Variants in NUMB observed in about 807,000 individuals in gnomAD.
NUMB encodes NUMB endocytic adaptor protein.
A neutral mutation model predicts 59.7 loss-of-function variants in NUMB; 29 were observed. That is an observed-to-expected ratio of 0.49 (90% CI 0.36 to 0.66). The LOEUF is 0.66. Among genes scored for constraint, NUMB ranks in the 30% least tolerant of loss-of-function variants. NUMB has a pLI of 0.00. For synonymous variants in NUMB, 288 were observed against 288.2 expected, an observed-to-expected ratio of 1.00 and a Z score of 0.01; for missense variants, 723 against 822.0, an observed-to-expected ratio of 0.88 and a Z score of 1.47.
At chr14:73,291,086 G>A (rs988459181) in intron 8 of NUMB, among the ~76,000 whole-genome samples, 1 of 142,062 alleles carries the variant, frequency 7.0e-6, no homozygotes, top group Non-Finnish European at 1.5e-5. Context: ...TTTGTTTTTT[G>A]TTTTTTTTTT....
At chr14:73,393,119 T>C (rs1895937859) in intron 2 of NUMB, among the ~76,000 whole-genome samples, 1 of 152,194 alleles carries the variant, frequency 6.6e-6, no homozygotes, top group Non-Finnish European at 1.5e-5. Flanking sequence ...AAGGAATCTA[T>C]AAATTACTAA....
intron 2 of NUMB, among the ~76,000 whole-genome samples, chr14:73,378,043 AAAAACTT>A (rs1465238318): frequency 2.0e-5 from 3 of 152,020 alleles, no homozygotes; most frequent in Admixed American, 6.6e-5. Context: ...ACACATACCA[AAAAACTT>A]AAAACTTAAC....
intron 1 of NUMB, among the ~76,000 whole-genome samples, chr14:73,422,674 CA>C (rs1343758140): frequency 6.6e-6 from 1 of 151,532 alleles, no homozygotes; most frequent in Non-Finnish European, 1.5e-5. Context: ...ATGGTGAGAT[CA>C]GGGGAAAGGG....
intron 6 of NUMB, among the ~76,000 whole-genome samples, chr14:73,313,132 G>A (rs1270352005): frequency 2.0e-5 from 3 of 151,848 alleles, no homozygotes; most frequent in Non-Finnish European, 4.4e-5. Context: ...GACTACAGGT[G>A]TGTGCCACCA....
At chr14:73,451,434 TAAAAAA>T (rs71872203) in intron 1 of NUMB, among the ~76,000 whole-genome samples, 1 of 111,498 alleles carries the variant, frequency 9.0e-6, no homozygotes, top group South Asian at 2.8e-4. Flanking sequence ...AGACACCGTC[TAAAAAA>T]AAAAAAAAAA....
intron 5 of NUMB, among the ~76,000 whole-genome samples, chr14:73,321,525 A>C (rs1891405237): frequency 6.6e-6 from 1 of 152,130 alleles, no homozygotes; most frequent in African/African-American, 2.4e-5. Context: ...GTTTATTATT[A>C]TTCTAGATAA....
At chr14:73,421,181 TG>T (rs1414327401) in intron 1 of NUMB, among the ~76,000 whole-genome samples, 12 of 149,500 alleles carry the variant, frequency 8.0e-5, no homozygotes, top group South Asian at 2.1e-4. Flanking sequence ...TTGGTGTTTT[TG>T]TTTGTTTGTT....
In NUMB at chr14:73,400,353, A is replaced by G. The variant is rs897937121; in HGVS notation, c.-101+9584T>C. Among the ~76,000 whole-genome samples the G allele has an allele frequency of 4.6e-5, 7 of 152,364 alleles. No homozygotes were observed. In the East Asian group the frequency reaches 1.3e-3, roughly 29 times the overall value. On this transcript the variant is annotated intron_variant, in intron 2 of 12. Coordinates refer to ENST00000555238, the MANE Select transcript of NUMB (RefSeq NM_001005743.2). ...TGCATGATACTACAGTGGTGGATGC[A>G]TGTCATTACATTTGCCAAAATCCTT... is the stretch of plus-strand genomic sequence containing the variant.
chr14:73,455,224 A>G (rs1203782367), intron 1 of NUMB, among the ~76,000 whole-genome samples: 1 of 152,232 alleles, frequency 6.6e-6, no homozygotes, highest in African/African-American at 2.4e-5. Flanking sequence ...ATTTCATAAA[A>G]CATTAATGAA....
At chr14:73,329,216 T>C (rs763767491) in intron 4 of NUMB, among the ~76,000 whole-genome samples, 3 of 152,178 alleles carry the variant, frequency 2.0e-5, no homozygotes, top group Non-Finnish European at 2.9e-5. Flanking sequence ...AGTTTTCATC[T>C]CGATGAGGTT....
intron 1 of NUMB, among the ~76,000 whole-genome samples, chr14:73,418,104 CA>C (rs372295425): frequency 0.033 from 4,453 of 133,994 alleles, 160 homozygotes; most frequent in South Asian, 0.18. Context: ...GACTCTGTCT[CA>C]AAAAAAAAAA....
chr14:73,281,055 AT>A (rs1226543762), intron 11 of NUMB, among the ~76,000 whole-genome samples: 1 of 150,186 alleles, frequency 6.7e-6, no homozygotes, highest in African/African-American at 2.4e-5. Flanking sequence ...TGGCAAAAAA[AT>A]TTTTTTTTTC....
intron 1 of NUMB, among the ~76,000 whole-genome samples, chr14:73,438,406 G>C (rs1042839062): frequency 2.0e-5 from 3 of 152,066 alleles, no homozygotes; most frequent in Non-Finnish European, 4.4e-5. Flanking sequence ...CGAGGCAGGT[G>C]GATCACTTGG....
intron 2 of NUMB, among the ~76,000 whole-genome samples, chr14:73,368,868 G>A (rs1894518901): frequency 1.3e-5 from 2 of 152,072 alleles, no homozygotes; most frequent in African/African-American, 4.8e-5. Flanking sequence ...AAGACTTCAT[G>A]GAAACTGCAG....
intron 3 of NUMB, among the ~76,000 whole-genome samples, chr14:73,358,415 C>A (rs1594946840): frequency 6.6e-6 from 1 of 152,290 alleles, no homozygotes. Flanking sequence ...AGTCCCCATT[C>A]ACATGCTAAC....
intron 1 of NUMB, among the ~76,000 whole-genome samples, chr14:73,433,816 G>GCGGTGGC (rs1358504786): frequency 6.6e-6 from 1 of 151,506 alleles, no homozygotes; most frequent in African/African-American, 2.4e-5. Flanking sequence ...TAGGCCAGGC[G>GCGGTGGC]CGGTGGCCCA....
At chr14:73,332,527 G>A (rs1892041228) in intron 4 of NUMB, among the ~76,000 whole-genome samples, 1 of 151,950 alleles carries the variant, frequency 6.6e-6, no homozygotes, top group South Asian at 2.1e-4. Flanking sequence ...CTCCCAAAGT[G>A]CTGGGATTAC....
chr14:73,456,459 C>T (rs1884382768), intron 1 of NUMB, among the ~76,000 whole-genome samples: 1 of 152,102 alleles, frequency 6.6e-6, no homozygotes, highest in Admixed American at 6.6e-5. Context: ...TGGCCAGGAA[C>T]TCAAAAAAAG....
Position 73,398,415 on chromosome 14 carries a change from A to AGAGAGAGAGT in NUMB, c.-101+11521_-101+11522insACTCTCTCTC, listed in dbSNP as rs1438462148. 4.5e-3 allele frequency among the ~76,000 whole-genome samples: 539 copies of AGAGAGAGAGT among 118,866 alleles called. 3 individuals are homozygous for AGAGAGAGAGT. The highest frequency in any genetic ancestry group is 0.017 in the African/African-American group (515 of 30,168). 78.0% of individuals were successfully genotyped at this position (118,866 alleles called of 152,430 possible). On this transcript the variant is annotated intron_variant, in intron 2 of 12. Coordinates refer to ENST00000555238, the MANE Select transcript of NUMB (RefSeq NM_001005743.2). ...CACAGAGAGAGAGAGAGAGAGAGAGAGTGTGTGTGTGTGTGTGTGTGTGTG... is the reference window on the plus strand; with the variant it reads ...CACAGAGAGAGAGAGAGAGAGAGAGAGAGAGAGAGTGTGTGTGTGTGTGTGTGTGTGTGTG...
Sources: gnomAD v4.1 joint callset for allele counts (sites outside exome capture counted in the v4.1 genomes callset) on GRCh38, gnomAD v4.1.1 for gene constraint, MANE v1.5 for transcripts, NCBI Gene and HGNC (gene_info 2026-07-23, HGNC 2026-07-21) for gene names.